The following CCDC73 variants were observed in gnomAD, a reference collection of about 807,000 sequenced individuals.
The protein encoded by CCDC73 is coiled-coil domain-containing protein 73.
A neutral mutation model predicts 116.5 loss-of-function variants in CCDC73; 95 were observed. That is an observed-to-expected ratio of 0.82 (90% CI 0.69 to 0.97). CCDC73 has a LOEUF of 0.97. CCDC73 is among the 50% of genes least tolerant of loss of function. CCDC73 has a pLI of 0.00. For synonymous variants in CCDC73, 398 were observed against 401.3 expected, an observed-to-expected ratio of 0.99 and a Z score of 0.10; for missense variants, 1,066 against 1,206.8, an observed-to-expected ratio of 0.88 and a Z score of 1.73.
At chr11:32,736,424 T>C (rs1850129551) in intron 2 of CCDC73, among the ~76,000 whole-genome samples, 1 of 152,318 alleles carries the variant, frequency 6.6e-6, no homozygotes, top group South Asian at 2.1e-4. Context: ...TCATCATCAC[T>C]GGCCATCAGA....
the CCDC73 span, among the ~76,000 whole-genome samples, chr11:32,801,823 TG>T: frequency 3.9e-5 from 6 of 152,132 alleles, no homozygotes; most frequent in Non-Finnish European, 8.8e-5. Context: ...CAACTGGAAA[TG>T]TTGAGTCTGA....
intron 2 of CCDC73, among the ~76,000 whole-genome samples, chr11:32,749,214 G>A (rs978398479): frequency 9.2e-5 from 14 of 151,924 alleles, no homozygotes; most frequent in African/African-American, 3.4e-4. Flanking sequence ...GATTTTGTAT[G>A]TGTGTTTCTT....
At chr11:32,637,017 CTTT>C (rs71063750) in intron 13 of CCDC73, among the ~76,000 whole-genome samples, 2 of 87,940 alleles carry the variant, frequency 2.3e-5, no homozygotes, top group African/African-American at 4.0e-5. Flanking sequence ...TTTTCTTTTT[CTTT>C]TTTTTTTTTT....
At chr11:32,699,741 G>A (rs1049545673) in intron 5 of CCDC73, among the ~76,000 whole-genome samples, 4 of 151,996 alleles carry the variant, frequency 2.6e-5, no homozygotes, top group Non-Finnish European at 4.4e-5. Context: ...GGGGTGGGGG[G>A]AGCGGAGAGG....
Position 32,760,150 on chromosome 11 carries a change from T to C in CCDC73, c.94A>G (p.Thr32Ala). Reference protein sequence around the residue: ...LFSIQLLDFKTSLLEALEELR... With the variant: ...LFSIQLLDFKASLLEALEELR... ...TCTTCTAATGCCTCCAGTAAACTTG[T>C]TTTGAAATCTAATAGCTGAATAGAA... The change falls in exon 2 of 18, where the codon ACA becomes GCA. Residue 32 changes from threonine to alanine, a missense_variant. Thr to Ala is a moderately conservative substitution (Grantham distance 58). Coordinates refer to ENST00000335185, the MANE Select transcript of CCDC73 (RefSeq NM_001008391.4). 6.2e-7 allele frequency: 1 copy of C among 1,605,768 alleles called. No homozygotes were observed. The highest frequency in any genetic ancestry group is 1.1e-5 in the South Asian group (1 of 89,506).
chr11:32,727,755 A>G (rs888743311), intron 2 of CCDC73, among the ~76,000 whole-genome samples: 1 of 151,944 alleles, frequency 6.6e-6, no homozygotes, highest in African/African-American at 2.4e-5. Flanking sequence ...TATTTTTAGT[A>G]GAGATGGGGT....
At chr11:32,704,920 C>T (rs1565080563) in intron 3 of CCDC73, among the ~76,000 whole-genome samples, 1 of 152,230 alleles carries the variant, frequency 6.6e-6, no homozygotes, top group Non-Finnish European at 1.5e-5. Flanking sequence ...TGAAGCTCTT[C>T]TCTGCCTTGC....
At position 32,635,726 on chromosome 11, in the gene CCDC73, T is replaced by A; in HGVS notation, c.1155A>T (p.Gln385His). 2 of 1,305,072 alleles carry A rather than the reference T, an allele frequency of 1.5e-6. No individual in the cohort carries two copies. Among genetic ancestry groups the A allele is most frequent in the South Asian group, 2.2e-5 (1 of 45,178 alleles). The allele number at this position is 1,305,072 out of a possible 1,614,324, so 80.8% of individuals were successfully genotyped here. The change falls in exon 14 of 18, where the codon CAA (glutamine) becomes CAT (histidine). Residue 385 changes from glutamine (Q) to histidine (H), a missense_variant. Gln to His is a conservative substitution (Grantham distance 24, BLOSUM62 0). Coordinates refer to ENST00000335185, the MANE Select transcript of CCDC73 (RefSeq NM_001008391.4). ...LQEHYNKLCN[Q>H]KTFEEDKKFQ... ...ACTTTTTGTCTTCCTCAAATGTTTT[T>A]TGATTGCATAATTTGTTATAATGTT...
At chr11:32,742,385 T>C (rs1850196062) in intron 2 of CCDC73, among the ~76,000 whole-genome samples, 1 of 152,238 alleles carries the variant, frequency 6.6e-6, no homozygotes, top group Admixed American at 6.5e-5. Context: ...GTGGCTTTGA[T>C]TTGCATTTCT....
At chr11:32,626,793 C>T (rs1275615462) in intron 14 of CCDC73, among the ~76,000 whole-genome samples, 1 of 152,170 alleles carries the variant, frequency 6.6e-6, no homozygotes, top group Non-Finnish European at 1.5e-5. Flanking sequence ...GAAACTGGAT[C>T]CCTTCCTTAC....
At chr11:32,776,423 T>C (rs1018152575) in intron 1 of CCDC73, among the ~76,000 whole-genome samples, 2 of 152,162 alleles carry the variant, frequency 1.3e-5, no homozygotes, top group Non-Finnish European at 2.9e-5. Flanking sequence ...TTCCCCACTT[T>C]CTAGTTTCAT....
At chr11:32,661,703 C>A (rs1442162283) in intron 9 of CCDC73, among the ~76,000 whole-genome samples, 2 of 149,410 alleles carry the variant, frequency 1.3e-5, no homozygotes, top group African/African-American at 4.9e-5. Context: ...TATTATTATA[C>A]TTTAAGTTTT....
intron 13 of CCDC73, among the ~76,000 whole-genome samples, chr11:32,640,662 A>C (rs761095838): frequency 6.6e-6 from 1 of 152,156 alleles, no homozygotes; most frequent in African/African-American, 2.4e-5. Context: ...TCTTAGATTT[A>C]AGTAAACCTT....
Position 32,702,858 on chromosome 11 carries a change from T to C in CCDC73, c.279+15A>G, listed in dbSNP as rs752288118. ...TATTTAAAATGGTAGTGTTTGTCTA[T>C]CCTTATGAAATTACCTGCTTTTTAA... On this transcript the variant is annotated intron_variant, in intron 4 of 17. Transcript: ENST00000335185. 1.7e-5 allele frequency: 27 copies of C among 1,558,830 alleles called. No individual in the cohort carries two copies. The East Asian group carries it at 4.9e-4, about 28-fold the overall frequency.
At chr11:32,798,756 T>C (rs1850747600), upstream of CCDC73, among the ~76,000 whole-genome samples, 1 of 152,206 alleles carries the variant, frequency 6.6e-6, no homozygotes, top group Non-Finnish European at 1.5e-5. Flanking sequence ...TCTTCCTCTT[T>C]CTACCACATG....
intron 2 of CCDC73, among the ~76,000 whole-genome samples, chr11:32,719,460 G>A (rs1849972144): frequency 6.6e-6 from 1 of 152,066 alleles, no homozygotes; most frequent in Non-Finnish European, 1.5e-5. Flanking sequence ...TAGTTCAAAG[G>A]CAAATTAGTT....
chr11:32,784,293 C>A (rs139221084), intron 1 of CCDC73, among the ~76,000 whole-genome samples: 1 of 151,174 alleles, frequency 6.6e-6, no homozygotes, highest in African/African-American at 2.4e-5. Flanking sequence ...CGCGCCACTG[C>A]ACTCCAGCCT....
chr11:32,607,867 T>A (rs1287591567), intron 17 of CCDC73, among the ~76,000 whole-genome samples: 2 of 152,146 alleles, frequency 1.3e-5, no homozygotes, highest in Non-Finnish European at 2.9e-5. Context: ...GGAGGCCTCA[T>A]AATCATGGCA....
intron 11 of CCDC73, 91 bp from the exon 12 acceptor site, chr11:32,653,318 C>G: frequency 1.3e-6 from 1 of 755,486 alleles, no homozygotes; most frequent in Non-Finnish European, 2.2e-6. Flanking sequence ...AGTTTCCTAA[C>G]TCACTGTATT....
Sources: allele counts gnomAD v4.1 joint callset (sites outside exome capture counted in the v4.1 genomes callset), GRCh38; gene constraint gnomAD v4.1.1; transcripts MANE v1.5; gene names NCBI Gene and HGNC (gene_info 2026-07-23, HGNC 2026-07-21).